The following MAMLD1 variants were observed in gnomAD, a reference collection of about 807,000 sequenced individuals.
The protein encoded by MAMLD1 is mastermind-like domain-containing protein 1.
A neutral mutation model predicts 45.0 loss-of-function variants in MAMLD1; 14 were observed. The observed-to-expected ratio is 0.31, with a 90% CI of 0.21 to 0.49. The LOEUF (loss-of-function observed/expected upper bound fraction) is 0.49, where lower values mean the gene tolerates loss of function less well. Among genes scored for constraint, MAMLD1 ranks in the 20% least tolerant of loss-of-function variants. The pLI, the probability that MAMLD1 is intolerant of heterozygous loss-of-function variation, is 0.99. For synonymous variants in MAMLD1, 254 were observed against 247.8 expected (o/e 1.02, Z -0.24); for missense variants, 543 against 603.6 (o/e 0.90, Z 1.05).
intron 5 of MAMLD1, among the ~76,000 whole-genome samples, chrX:150,497,266 A>ATTTTTTCT (rs2037408171): frequency 9.9e-6 from 1 of 101,103 alleles, no homozygotes; most frequent in Non-Finnish European, 2.0e-5. Context: ...TTTTTAAAAA[A>ATTTTTTCT]TTTTTTTCTT....
In MAMLD1 at chrX:150,390,039, G is replaced by A. The variant is rs1411522191; in HGVS notation, c.-64+26509G>A. Among the ~76,000 whole-genome samples the A allele has an allele frequency of 3.6e-5, 4 of 111,655 alleles. No homozygotes were observed. The East Asian group carries it at 1.1e-3, about 31-fold the overall frequency. ...GTTGTATTTAGAGTAATAGAATAGA[G>A]TTTGGCCATGTTTTCGTTTGTTTGT... On this transcript the variant is annotated intron_variant, in intron 1 of 7. Transcript: ENST00000370401.
chrX:150,445,649 A>C, intron 2 of MAMLD1, 37 bp downstream of exon 2: 1 of 1,005,484 alleles, frequency 9.9e-7, no homozygotes, highest in Non-Finnish European at 1.4e-6. Context: ...GGGGTATTTA[A>C]TGCTTCTAAT....
intron 1 of MAMLD1, among the ~76,000 whole-genome samples, chrX:150,391,051 T>C (rs2033155537): frequency 8.9e-6 from 1 of 112,233 alleles, no homozygotes; most frequent in Non-Finnish European, 1.9e-5. Flanking sequence ...TGTTCCTCTT[T>C]AAGTAATGTG....
chrX:150,470,889 C>T lies in MAMLD1; in HGVS notation c.1316C>T (p.Pro439Leu), dbSNP rs2036397038. ...CTCATGTCCTCTACCATCAAAACCC[C>T]TCAAGGACACCTGATGTCTGCTCTG... ...ANLMSSTIKTPQGHLMSALPA... is the reference protein window; with the variant it reads ...ANLMSSTIKTLQGHLMSALPA... The change falls in exon 4 of 8, where the codon CCT becomes CTT. Residue 439 changes from proline (P) to leucine (L), a missense_variant. Transcript: ENST00000370401. The T allele has an allele frequency of 1.7e-6, 2 of 1,209,934 alleles. No homozygotes were observed. Among genetic ancestry groups the T allele is most frequent in the Non-Finnish European group, 2.2e-6 (2 of 895,293 alleles).
At chrX:150,407,652 C>T (rs1372418116) in intron 1 of MAMLD1, among the ~76,000 whole-genome samples, 1 of 111,865 alleles carries the variant, frequency 8.9e-6, no homozygotes, top group Non-Finnish European at 1.9e-5. Flanking sequence ...TGCCAAAGCA[C>T]AACCAAGGAG....
At chrX:150,437,981 T>C (rs2035175230) in intron 1 of MAMLD1, among the ~76,000 whole-genome samples, 1 of 106,236 alleles carries the variant, frequency 9.4e-6, no homozygotes, top group African/African-American at 3.8e-5. Context: ...GGATGGTCTT[T>C]TTTTTTTTCA....
chrX:150,480,666 G>A (rs2036724632), intron 5 of MAMLD1, among the ~76,000 whole-genome samples: 1 of 112,198 alleles, frequency 8.9e-6, no homozygotes, highest in Admixed American at 9.4e-5. Flanking sequence ...TACCCCATGT[G>A]AACCAAGTTT....
chrX:150,512,101 C>A lies in MAMLD1; in HGVS notation c.*142C>A, dbSNP rs782714911. ...CACCCAGAACTGGGCTTCTTCAGAA[C>A]AATCTGAGTCCAGGAATGATCCCAC... On this transcript the variant is annotated 3_prime_UTR_variant, in exon 8 of 8. Transcript: ENST00000370401. The A allele has an allele frequency of 5.4e-5, 62 of 1,150,781 alleles. 2 individuals are homozygous for A. The East Asian group carries it at 2.0e-3, about 37-fold the overall frequency. 94.8% of individuals were successfully genotyped at this position (1,150,781 alleles called of 1,213,427 possible).
At chrX:150,441,604 G>A (rs782116276) in intron 1 of MAMLD1, among the ~76,000 whole-genome samples, 17 of 110,966 alleles carry the variant, frequency 1.5e-4, no homozygotes, top group Non-Finnish European at 2.8e-4. Context: ...TTTTCAAGTT[G>A]TCTCTCTGTT....
At chrX:150,408,434 T>C (rs1314604180) in intron 1 of MAMLD1, among the ~76,000 whole-genome samples, 1 of 112,100 alleles carries the variant, frequency 8.9e-6, no homozygotes, top group Non-Finnish European at 1.9e-5. Context: ...ATTTCATCAA[T>C]TCTACAAAAA....
chrX:150,404,558 A>G (rs1383926734), intron 1 of MAMLD1, among the ~76,000 whole-genome samples: 2 of 111,976 alleles, frequency 1.8e-5, no homozygotes, highest in East Asian at 2.8e-4. Flanking sequence ...ATTGATGTAC[A>G]GTAAACTGAA....
At chrX:150,417,741 T>A (rs1385097508) in intron 1 of MAMLD1, among the ~76,000 whole-genome samples, 1 of 108,549 alleles carries the variant, frequency 9.2e-6, no homozygotes, top group African/African-American at 3.4e-5. Flanking sequence ...GGTTTTGATT[T>A]GCATTTCTCT....
chrX:150,415,639 G>A (rs782819929), intron 1 of MAMLD1, among the ~76,000 whole-genome samples: 46 of 112,298 alleles, frequency 4.1e-4, no homozygotes, highest in Admixed American at 6.6e-4. Flanking sequence ...CTTATTCGGA[G>A]TGTTTCTGAA....
At chrX:150,432,076 A>C (rs1557404081) in intron 1 of MAMLD1, among the ~76,000 whole-genome samples, 1 of 106,400 alleles carries the variant, frequency 9.4e-6, no homozygotes. Context: ...CCCTTTCTCC[A>C]CAACCTCTGT....
chrX:150,493,171 T>C (rs986674944), intron 5 of MAMLD1, among the ~76,000 whole-genome samples: 5 of 111,635 alleles, frequency 4.5e-5, no homozygotes, highest in African/African-American at 1.6e-4. Flanking sequence ...TCGGCATTCC[T>C]GACAAGAGCT....
intron 1 of MAMLD1, among the ~76,000 whole-genome samples, chrX:150,369,095 G>A (rs977947564): frequency 5.4e-5 from 6 of 111,909 alleles, no homozygotes; most frequent in Non-Finnish European, 1.1e-4. Context: ...CCAATTCTGT[G>A]AAGAAAGTCA....
chrX:150,381,766 G>A (rs781853640), intron 1 of MAMLD1, among the ~76,000 whole-genome samples: 4 of 111,715 alleles, frequency 3.6e-5, no homozygotes, highest in Non-Finnish European at 5.7e-5. Flanking sequence ...TTTCCCTAAC[G>A]CCTAATGAGA....
chrX:150,435,131 C>T (rs1376307254), intron 1 of MAMLD1, among the ~76,000 whole-genome samples: 1 of 111,646 alleles, frequency 9.0e-6, no homozygotes, highest in Non-Finnish European at 1.9e-5. Flanking sequence ...GTTAGGTCTT[C>T]TTGTTGAATT....
At chrX:150,475,786 C>CT (rs1216709791) in intron 5 of MAMLD1, among the ~76,000 whole-genome samples, 4 of 111,966 alleles carry the variant, frequency 3.6e-5, no homozygotes, top group African/African-American at 1.3e-4. Context: ...AAAGGAGATG[C>CT]TAACCTGAAA....
Sources: allele counts gnomAD v4.1 joint callset (sites outside exome capture counted in the v4.1 genomes callset), GRCh38; gene constraint gnomAD v4.1.1; transcripts MANE v1.5; gene names NCBI Gene and HGNC (gene_info 2026-07-23, HGNC 2026-07-21).